The following PCSK5 variants were observed in gnomAD, a reference collection of about 807,000 sequenced individuals.
The protein encoded by PCSK5 is proprotein convertase subtilisin/kexin type 5.
In PCSK5, 129 loss-of-function variants were observed where a neutral mutation model predicts 233.2. The ratio of observed to expected loss-of-function variants is 0.55; its 90% CI spans 0.48 to 0.64. The LOEUF is 0.64. Ranked by LOEUF, PCSK5 falls within the 30% of genes least tolerant of loss-of-function variation. The probability of loss-of-function intolerance (pLI) is 0.00; values close to 1 mark genes in which losing one functional copy is unlikely to be tolerated. For synonymous variants in PCSK5, 825 were observed against 879.2 expected (o/e 0.94, Z 1.09); for missense variants, 2,076 against 2,430.1 (o/e 0.85, Z 3.06).
intron 1 of PCSK5, among the ~76,000 whole-genome samples, chr9:75,926,907 G>A (rs1823517877): frequency 6.6e-6 from 1 of 152,058 alleles, no homozygotes; most frequent in South Asian, 2.1e-4. Flanking sequence ...CCAGTTTGGG[G>A]CTACTATTAA....
chr9:76,345,426 A>G (rs1455628996), intron 35 of PCSK5, among the ~76,000 whole-genome samples: 2 of 151,344 alleles, frequency 1.3e-5, no homozygotes, highest in Non-Finnish European at 2.9e-5. Context: ...TTGTTTGTTT[A>G]TTTGTTTTTT....
At chr9:76,322,906 T>C in intron 31 of PCSK5, 146 bp from the exon 32 acceptor site, 1 of 616,290 alleles carries the variant, frequency 1.6e-6, no homozygotes, top group South Asian at 1.9e-5. Context: ...AGACATCAAG[T>C]CTATGCCCTG....
intron 21 of PCSK5, among the ~76,000 whole-genome samples, chr9:76,233,012 C>T (rs1322159173): frequency 1.3e-5 from 2 of 152,232 alleles, no homozygotes; most frequent in Non-Finnish European, 2.9e-5. Flanking sequence ...TTTCACTCGT[C>T]AAGAGCCCTT....
At chr9:76,035,462 A>G (rs1828820580) in intron 5 of PCSK5, among the ~76,000 whole-genome samples, 1 of 152,052 alleles carries the variant, frequency 6.6e-6, no homozygotes, top group African/African-American at 2.4e-5. Context: ...CAATTTTAGT[A>G]TGTTCTTCTC....
At chr9:76,129,913 A>C (rs1429858726) in intron 9 of PCSK5, among the ~76,000 whole-genome samples, 1 of 152,122 alleles carries the variant, frequency 6.6e-6, no homozygotes, top group Non-Finnish European at 1.5e-5. Context: ...CTGTTTTTGC[A>C]GCTGAAAACT....
chr9:76,144,648 C>T (rs1243025175), intron 10 of PCSK5, among the ~76,000 whole-genome samples: 2 of 152,146 alleles, frequency 1.3e-5, no homozygotes, highest in Admixed American at 6.5e-5. Flanking sequence ...CATGGGCATC[C>T]CTGTTGCATG....
intron 5 of PCSK5, among the ~76,000 whole-genome samples, chr9:76,028,485 A>AG (rs2131499366): frequency 6.6e-6 from 1 of 152,192 alleles, no homozygotes; most frequent in South Asian, 2.1e-4. Flanking sequence ...ATGGAATCAT[A>AG]GGGGGCTGAA....
chr9:76,258,476 A>C (rs1827054652), intron 24 of PCSK5, among the ~76,000 whole-genome samples: 1 of 152,136 alleles, frequency 6.6e-6, no homozygotes, highest in South Asian at 2.1e-4. Context: ...TAATTGTAAA[A>C]TTTCAGATTT....
At chr9:75,922,556 G>T (rs1472600832) in intron 1 of PCSK5, among the ~76,000 whole-genome samples, 1 of 152,216 alleles carries the variant, frequency 6.6e-6, no homozygotes, top group African/African-American at 2.4e-5. Flanking sequence ...GTAGAAGAGG[G>T]ATGATGCCAT....
intron 7 of PCSK5, among the ~76,000 whole-genome samples, chr9:76,095,406 G>A (rs747507249): frequency 5.3e-5 from 8 of 152,196 alleles, no homozygotes; most frequent in Middle Eastern, 6.8e-3. Context: ...GCATAACTAC[G>A]GTAATTACAA....
intron 27 of PCSK5, among the ~76,000 whole-genome samples, chr9:76,298,415 G>C (rs1828507410): frequency 1.3e-5 from 2 of 152,144 alleles, no homozygotes; most frequent in Non-Finnish European, 2.9e-5. Flanking sequence ...CTGGACAAAA[G>C]CAATCAAGTC....
At chr9:76,055,976 C>A (rs140064789) in intron 5 of PCSK5, among the ~76,000 whole-genome samples, 63 of 152,142 alleles carry the variant, frequency 4.1e-4, no homozygotes, top group African/African-American at 1.5e-3. Context: ...GAGAACATAT[C>A]CCTATTTCTG....
intron 2 of PCSK5, among the ~76,000 whole-genome samples, chr9:75,960,052 A>G (rs4361822): frequency 0.95 from 145,191 of 152,322 alleles, 69,310 homozygotes; most frequent in African/African-American, 0.98. Flanking sequence ...CAAAGTCCAC[A>G]TTTGTAATCC....
At chr9:76,295,972 A>G (rs1304988746) in intron 26 of PCSK5, among the ~76,000 whole-genome samples, 1 of 152,232 alleles carries the variant, frequency 6.6e-6, no homozygotes, top group African/African-American at 2.4e-5. Context: ...GTTTCTCTAC[A>G]CAGAGATTTA....
intron 2 of PCSK5, among the ~76,000 whole-genome samples, chr9:75,973,850 G>T (rs1022228916): frequency 6.6e-6 from 1 of 152,180 alleles, no homozygotes; most frequent in Non-Finnish European, 1.5e-5. Flanking sequence ...GAACCCTTTT[G>T]GGGGCAGAGG....
At chr9:76,154,986 C>G (rs148588726) in intron 10 of PCSK5, among the ~76,000 whole-genome samples, 1 of 152,180 alleles carries the variant, frequency 6.6e-6, no homozygotes, top group East Asian at 1.9e-4. Context: ...AACTTGTGAT[C>G]AGGTTTTTGA....
chr9:75,948,866 G>A (rs977514296), intron 2 of PCSK5, among the ~76,000 whole-genome samples: 1 of 151,944 alleles, frequency 6.6e-6, no homozygotes, highest in Non-Finnish European at 1.5e-5. Flanking sequence ...ACTCACCACA[G>A]ATGTTTTTGA....
chr9:75,961,396 A>G (rs1825347110), intron 2 of PCSK5, among the ~76,000 whole-genome samples: 1 of 152,216 alleles, frequency 6.6e-6, no homozygotes, highest in Admixed American at 6.5e-5. Flanking sequence ...TGTTTGATAC[A>G]TTTGTTCTCT....
intron 20 of PCSK5, among the ~76,000 whole-genome samples, chr9:76,212,213 T>C (rs565664871): frequency 5.9e-5 from 9 of 152,280 alleles, no homozygotes; most frequent in African/African-American, 1.9e-4. Context: ...GACATTTCTT[T>C]CATCATTTTG....
Sources: allele counts gnomAD v4.1 joint callset (sites outside exome capture counted in the v4.1 genomes callset), GRCh38; gene constraint gnomAD v4.1.1; transcripts MANE v1.5; gene names NCBI Gene and HGNC (gene_info 2026-07-23, HGNC 2026-07-21).